DPP10: variants seen among roughly 807,000 people sequenced by gnomAD.
DPP10 encodes the protein inactive dipeptidyl peptidase 10.
A neutral mutation model predicts 120.9 loss-of-function variants in DPP10; 33 were observed. That is an observed-to-expected ratio of 0.27 (90% CI 0.21 to 0.37). The LOEUF is 0.37. Among genes scored for constraint, DPP10 ranks in the 10% least tolerant of loss-of-function variants. DPP10 has a pLI of 1.00. For synonymous variants in DPP10, 337 were observed against 326.1 expected, an observed-to-expected ratio of 1.03 and a Z score of -0.36; for missense variants, 816 against 942.8, an observed-to-expected ratio of 0.87 and a Z score of 1.76.
intron 1 of DPP10, among the ~76,000 whole-genome samples, chr2:114,732,617 A>G (rs988226073): frequency 6.6e-6 from 1 of 152,212 alleles, no homozygotes; most frequent in Non-Finnish European, 1.5e-5. Flanking sequence ...AAAAGTGACT[A>G]CACGTAATTT....
intron 1 of DPP10, among the ~76,000 whole-genome samples, chr2:115,117,472 A>G (rs1354264927): frequency 6.6e-6 from 1 of 152,184 alleles, no homozygotes; most frequent in African/African-American, 2.4e-5. Flanking sequence ...GTTGAGTGTG[A>G]TGGTGTTCAC....
intron 19 of DPP10, among the ~76,000 whole-genome samples, chr2:115,802,734 A>G (rs1685415715): frequency 6.6e-6 from 1 of 151,960 alleles, no homozygotes; most frequent in Admixed American, 6.6e-5. Flanking sequence ...CATGTAGTTG[A>G]GCGGTTTTGA....
intron 1 of DPP10, among the ~76,000 whole-genome samples, chr2:115,098,301 T>C (rs2048500493): frequency 1.3e-5 from 2 of 152,126 alleles, no homozygotes; most frequent in African/African-American, 4.8e-5. Flanking sequence ...TCTGCAACAT[T>C]CTACTCCCTG....
intron 1 of DPP10, among the ~76,000 whole-genome samples, chr2:114,948,644 C>A (rs1697547375): frequency 6.6e-6 from 1 of 152,194 alleles, no homozygotes; most frequent in African/African-American, 2.4e-5. Context: ...CACTGACCAT[C>A]CTTCTTCCTC....
chr2:115,511,428 C>T (rs2077217610), intron 4 of DPP10, among the ~76,000 whole-genome samples: 1 of 151,930 alleles, frequency 6.6e-6, no homozygotes, highest in Non-Finnish European at 1.5e-5. Context: ...TCTTTCATGC[C>T]TGATTTTAGT....
intron 1 of DPP10, among the ~76,000 whole-genome samples, chr2:114,558,385 C>T (rs1170985314): frequency 1.3e-5 from 2 of 152,242 alleles, no homozygotes; most frequent in African/African-American, 2.4e-5. Flanking sequence ...TGCCTTTGCA[C>T]TTTCTGCTCT....
intron 3 of DPP10, among the ~76,000 whole-genome samples, chr2:115,414,685 C>T (rs571124929): frequency 6.6e-6 from 1 of 152,168 alleles, no homozygotes; most frequent in Non-Finnish European, 1.5e-5. Context: ...GGGCACTCTG[C>T]CAAGATTTGT....
At chr2:115,800,271 T>G (rs2149964154) in intron 19 of DPP10, among the ~76,000 whole-genome samples, 1 of 151,874 alleles carries the variant, frequency 6.6e-6, no homozygotes, top group African/African-American at 2.4e-5. Flanking sequence ...CGCCCACTTT[T>G]TGATGGGGTT....
intron 1 of DPP10, among the ~76,000 whole-genome samples, chr2:115,177,880 CAGCCTCCTGAGTA>C (rs2053808359): frequency 6.6e-6 from 1 of 152,134 alleles, no homozygotes; most frequent in Non-Finnish European, 1.5e-5. Context: ...TCTCCTGCCT[CAGCCTCCTGAGTA>C]CCTGGGACTA....
At chr2:115,808,310 G>A (rs1030559252) in intron 19 of DPP10, among the ~76,000 whole-genome samples, 1 of 152,088 alleles carries the variant, frequency 6.6e-6, no homozygotes, top group Non-Finnish European at 1.5e-5. Context: ...AGAATACTTC[G>A]ATGACATAAA....
intron 1 of DPP10, among the ~76,000 whole-genome samples, chr2:115,240,194 G>A: frequency 6.6e-6 from 1 of 152,134 alleles, no homozygotes; most frequent in East Asian, 1.9e-4. Context: ...TTCCACAGTT[G>A]TTGAACTAAT....
rs150849275 is a variant in DPP10, at chr2:114,703,781, G to T, written c.60+260943G>T. ...TAGAAATGTTGAAACTAGAAGAGCT[G>T]CTGGGTTAATAGGAGCATTTTCAAT... is the stretch of plus-strand genomic sequence containing the variant. On this transcript the variant is annotated intron_variant, in intron 1 of 25. Coordinates refer to ENST00000410059, the MANE Select transcript of DPP10 (RefSeq NM_020868.6). 3.4e-3 allele frequency among the ~76,000 whole-genome samples: 522 copies of T among 152,244 alleles called. 4 individuals carry two copies. Among genetic ancestry groups the T allele is most frequent in the Non-Finnish European group, 5.5e-3 (372 of 68,014 alleles).
rs1261193002 is a variant in DPP10, at chr2:115,022,950, C to T, written c.61-286289C>T. ...GCTGAGATAATTGGCAAGCCACATGCAGAAGAATGAAACTGGATCCTCACC... is the reference window on the plus strand; with the variant it reads ...GCTGAGATAATTGGCAAGCCACATGTAGAAGAATGAAACTGGATCCTCACC... On this transcript the variant is annotated intron_variant, in intron 1 of 25. Transcript: ENST00000410059. 1.3e-5 allele frequency among the ~76,000 whole-genome samples: 2 copies of T among 152,038 alleles called. 1 individual carries two copies. The highest frequency in any genetic ancestry group is 2.9e-5 in the Non-Finnish European group (2 of 67,944).
chr2:114,948,665 C>T (rs950631053), intron 1 of DPP10, among the ~76,000 whole-genome samples: 1 of 152,180 alleles, frequency 6.6e-6, no homozygotes, highest in African/African-American at 2.4e-5. Context: ...AGGGATCTTG[C>T]TTGTTTTTTG....
intron 5 of DPP10, among the ~76,000 whole-genome samples, chr2:115,572,540 T>G (rs1478791514): frequency 1.3e-5 from 2 of 152,156 alleles, no homozygotes; most frequent in Admixed American, 1.3e-4. Flanking sequence ...TACAAATGTG[T>G]TTTTTATATC....
intron 5 of DPP10, among the ~76,000 whole-genome samples, chr2:115,554,859 C>T (rs536775908): frequency 1.8e-4 from 28 of 152,090 alleles, no homozygotes; most frequent in African/African-American, 6.5e-4. Context: ...TAGTCTCTTC[C>T]CCTTGTGCAA....
intron 3 of DPP10, among the ~76,000 whole-genome samples, chr2:115,424,301 A>G (rs545112509): frequency 4.6e-5 from 7 of 152,178 alleles, no homozygotes; most frequent in South Asian, 2.1e-4. Flanking sequence ...AGAACTTACT[A>G]TTTTTCCTGA....
intron 1 of DPP10, among the ~76,000 whole-genome samples, chr2:114,633,248 CTTTT>C (rs35372708): frequency 6.9e-5 from 5 of 72,778 alleles, no homozygotes; most frequent in East Asian, 4.1e-4. Flanking sequence ...GTTTTTCTTT[CTTTT>C]TTTTTTTTTT....
chr2:115,760,887 A>T (rs1220154804), intron 11 of DPP10, among the ~76,000 whole-genome samples: 2 of 151,928 alleles, frequency 1.3e-5, no homozygotes, highest in African/African-American at 4.8e-5. Flanking sequence ...ACCTGAGGCC[A>T]GGAGTTTGAG....
Sources: allele counts gnomAD v4.1 joint callset (sites outside exome capture counted in the v4.1 genomes callset), GRCh38; gene constraint gnomAD v4.1.1; transcripts MANE v1.5; gene names NCBI Gene and HGNC (gene_info 2026-07-23, HGNC 2026-07-21).